ACOT8: variants seen among roughly 807,000 people sequenced by gnomAD.
ACOT8 encodes the protein acyl-coenzyme A thioesterase 8.
A neutral mutation model predicts 38.4 loss-of-function variants in ACOT8; 31 were observed. That is an observed-to-expected ratio of 0.81 (90% CI 0.61 to 1.09). The LOEUF is 1.09. Ranked by LOEUF, ACOT8 falls within the 50% of genes least tolerant of loss-of-function variation. The pLI is 0.00. For synonymous variants in ACOT8, 158 were observed against 170.3 expected (o/e 0.93, Z 0.56); for missense variants, 373 against 421.8 (o/e 0.88, Z 1.01).
intron 4 of ACOT8, chr20:45,843,946 C>T: frequency 6.5e-6 from 6 of 928,128 alleles, no homozygotes; most frequent in South Asian, 1.8e-5. Context: ...CCAAGTCTCC[C>T]ACTCTAGGCC....
intron 2 of ACOT8, among the ~76,000 whole-genome samples, chr20:45,849,311 G>A (rs926676060): frequency 6.6e-6 from 1 of 152,140 alleles, no homozygotes; most frequent in Non-Finnish European, 1.5e-5. Flanking sequence ...TTGAGATGGA[G>A]TCTTGCTCTG....
At chr20:45,848,700 G>A (rs375537676) in intron 2 of ACOT8, 25 bp from the exon 3 acceptor site, 15 of 1,572,092 alleles carry the variant, frequency 9.5e-6, no homozygotes, top group Admixed American at 1.8e-5. Context: ...AGGACACAGT[G>A]GGTCCACAGG....
chr20:45,841,790 G>C lies in ACOT8; in HGVS notation c.*48C>G. 6.5e-7 allele frequency: 1 copy of C among 1,541,068 alleles called. No homozygotes were observed. Among genetic ancestry groups the C allele is most frequent in the Non-Finnish European group, 8.7e-7 (1 of 1,150,392 alleles). ...ACTGTAACTCCTGTCTCAGGAATGG[G>C]GATAGATGGGAGGTTCTTGAAGCCC... On this transcript the variant is annotated 3_prime_UTR_variant, in exon 6 of 6. Coordinates refer to ENST00000217455, the MANE Select transcript of ACOT8 (RefSeq NM_005469.4).
rs201422202 is a variant in ACOT8, at chr20:45,844,381, G to A, written c.528C>T (p.Asn176=). The A allele has an allele frequency of 1.2e-6, 2 of 1,614,130 alleles. No homozygotes were observed. Among genetic ancestry groups the A allele is most frequent in the African/African-American group, 2.7e-5 (2 of 75,038 alleles). The change falls in exon 4 of 6, where the codon AAC becomes AAT. Residue 176 remains asparagine, a synonymous_variant. Transcript: ENST00000217455. Reference sequence around the variant, plus strand: ...TGGGGACCTCCTGAGCAGCAATTCGGTTGAGCGCCAATGGGTACCTCTTTT... The same window carrying A: ...TGGGGACCTCCTGAGCAGCAATTCGATTGAGCGCCAATGGGTACCTCTTTT... The part of the protein sequence containing the change: ...NLQKRYPLAL[N]RIAAQEVPIE...
intron 2 of ACOT8, among the ~76,000 whole-genome samples, chr20:45,851,041 C>G (rs1387004748): frequency 1.3e-5 from 2 of 152,192 alleles, no homozygotes; most frequent in Non-Finnish European, 2.9e-5. Context: ...CATGAGACAT[C>G]TTGGGGATGA....
At chr20:45,853,761 G>T in intron 2 of ACOT8, 1 of 401,344 alleles carries the variant, frequency 2.5e-6, no homozygotes, top group Admixed American at 3.6e-5. Context: ...TTATAGCAGT[G>T]ACTGGGGGCC....
intron 3 of ACOT8, among the ~76,000 whole-genome samples, chr20:45,846,371 T>TATCTC (rs10656034): frequency 0.069 from 10,492 of 152,196 alleles, 1,203 homozygotes; most frequent in African/African-American, 0.24. Flanking sequence ...TTTTCTCTCT[T>TATCTC]ATTTAATCCT....
At chr20:45,846,664 C>G (rs58234610) in intron 3 of ACOT8, among the ~76,000 whole-genome samples, 5,554 of 152,230 alleles carry the variant, frequency 0.036, 366 homozygotes, top group African/African-American at 0.13. Flanking sequence ...GAAACTAGGG[C>G]CCTGGGGAGT....
chr20:45,847,493 G>C (rs1984759163), intron 3 of ACOT8: 1 of 151,544 alleles, frequency 6.6e-6, no homozygotes, highest in South Asian at 2.1e-4. Flanking sequence ...CACTTTAGGA[G>C]GTCAAGGTGG....
intron 3 of ACOT8, among the ~76,000 whole-genome samples, chr20:45,845,187 CAAGT>C (rs1984594960): frequency 1.3e-5 from 2 of 152,332 alleles, no homozygotes; most frequent in East Asian, 3.9e-4. Context: ...CTCCCAGGTT[CAAGT>C]GATTCTCCTG....
At chr20:45,850,054 C>G (rs1183142348) in intron 2 of ACOT8, among the ~76,000 whole-genome samples, 1 of 152,034 alleles carries the variant, frequency 6.6e-6, no homozygotes, top group Non-Finnish European at 1.5e-5. Context: ...ACTAAAAATA[C>G]AAAAAATTAG....
rs777236621 is a variant in ACOT8, at chr20:45,853,963, A to G, written c.262+1196T>C. 19 of 1,304,340 alleles carry G rather than the reference A, an allele frequency of 1.5e-5. No homozygotes were observed. The South Asian group carries it at 1.9e-4, about 13-fold the overall frequency. The allele number at this position is 1,304,340 out of a possible 1,614,324, so 80.8% of individuals were successfully genotyped here. A position where few individuals can be genotyped will look rare whatever the true frequency, so the allele number is the denominator to read the frequency against. Reference sequence around the variant, plus strand: ...ACTCTTCTCAGCTGGGGATCTACGCAGAACACATGAGGGCATCTGCTCTGG... The same window carrying G: ...ACTCTTCTCAGCTGGGGATCTACGCGGAACACATGAGGGCATCTGCTCTGG... On this transcript the variant is annotated intron_variant, in intron 2 of 5. Transcript: ENST00000217455.
In ACOT8 at chr20:45,857,291, C is replaced by T. The variant is rs1027085920; in HGVS notation, c.25G>A (p.Asp9Asn). The T allele has an allele frequency of 4.3e-6, 7 of 1,609,716 alleles. No individual in the cohort carries two copies. Among genetic ancestry groups the T allele is most frequent in the South Asian group, 1.1e-5 (1 of 90,466 alleles). The change falls in exon 1 of 6, where the codon GAT becomes AAT. Residue 9 changes from aspartate (D) to asparagine (N), a missense_variant. Transcript: ENST00000217455. MSSPQAPE[D>N]GQGCGDRGDP... ...CCGCGGTCGCCACAGCCCTGCCCATCTTCTGGGGCCTGCGGGGACGACATC... is the reference window on the plus strand; with the variant it reads ...CCGCGGTCGCCACAGCCCTGCCCATTTTCTGGGGCCTGCGGGGACGACATC...
At chr20:45,855,091 A>G (rs1234682301) in intron 2 of ACOT8, 68 bp downstream of exon 2, 14 of 1,589,630 alleles carry the variant, frequency 8.8e-6, no homozygotes, top group Non-Finnish European at 1.2e-5. Flanking sequence ...TTTTGACCTC[A>G]GCCCCCAAGG....
intron 5 of ACOT8, chr20:45,843,225 T>G: frequency 1.9e-6 from 1 of 519,932 alleles, no homozygotes; most frequent in Admixed American, 2.6e-5. Flanking sequence ...GAAACTGAGG[T>G]TCAGATGGAA....
intron 2 of ACOT8, among the ~76,000 whole-genome samples, chr20:45,850,685 T>C (rs576926956): frequency 5.3e-5 from 8 of 152,274 alleles, no homozygotes; most frequent in Non-Finnish European, 7.3e-5. Context: ...AGGGAGACCC[T>C]GTTTCTACAA....
chr20:45,846,008 G>A (rs1259157732), intron 3 of ACOT8, among the ~76,000 whole-genome samples: 1 of 151,568 alleles, frequency 6.6e-6, no homozygotes, highest in Non-Finnish European at 1.5e-5. Context: ...ATTTTTTTGT[G>A]TGTGTATTTT....
intron 1 of ACOT8, 32 bp downstream of exon 1, chr20:45,857,156 G>A (rs1338404087): frequency 1.9e-6 from 3 of 1,600,084 alleles, no homozygotes; most frequent in South Asian, 1.1e-5. Context: ...CTGCCCTAAA[G>A]GAGGGGATGC....
intron 5 of ACOT8, chr20:45,843,160 T>G: frequency 1.6e-6 from 1 of 640,050 alleles, no homozygotes; most frequent in Non-Finnish European, 2.3e-6. Flanking sequence ...GGCAGTCTGA[T>G]GGACTGCGGG....
Sources: gnomAD v4.1 joint callset for allele counts (sites outside exome capture counted in the v4.1 genomes callset) on GRCh38, gnomAD v4.1.1 for gene constraint, MANE v1.5 for transcripts, NCBI Gene and HGNC (gene_info 2026-07-23, HGNC 2026-07-21) for gene names.